Variants in NELL2 observed in about 807,000 individuals in gnomAD.
NELL2 encodes protein kinase C-binding protein NELL2.
In NELL2, 41 loss-of-function variants were observed where a neutral mutation model predicts 109.6. The ratio of observed to expected loss-of-function variants is 0.37; its 90% CI spans 0.29 to 0.49. The LOEUF (loss-of-function observed/expected upper bound fraction) is 0.49, where lower values mean the gene tolerates loss of function less well. NELL2 is among the 20% of genes least tolerant of loss of function. The pLI, the probability that NELL2 is intolerant of heterozygous loss-of-function variation, is 0.98. For missense variants in NELL2, 900 were observed against 1,008.3 expected (o/e 0.89, Z 1.45); for synonymous variants, 355 against 344.7 (o/e 1.03, Z -0.33).
intron 13 of NELL2, among the ~76,000 whole-genome samples, chr12:44,659,961 C>G (rs1406891296): frequency 6.6e-6 from 1 of 152,096 alleles, no homozygotes; most frequent in Non-Finnish European, 1.5e-5. Context: ...TTGAGGGGCC[C>G]TAAGAAATTT....
At chr12:44,672,998 T>C (rs554477202) in intron 12 of NELL2, among the ~76,000 whole-genome samples, 4 of 152,314 alleles carry the variant, frequency 2.6e-5, no homozygotes, top group African/African-American at 7.2e-5. Context: ...TTGGATCTCA[T>C]AGACATATAA....
At chr12:44,808,974 A>G (rs1282384797) in intron 3 of NELL2, among the ~76,000 whole-genome samples, 2 of 152,052 alleles carry the variant, frequency 1.3e-5, no homozygotes, top group African/African-American at 4.8e-5. Flanking sequence ...AATTATCTCC[A>G]TGTATGCTAT....
At chr12:44,613,075 G>A (rs1042055895) in intron 13 of NELL2, among the ~76,000 whole-genome samples, 2 of 151,948 alleles carry the variant, frequency 1.3e-5, no homozygotes, top group African/African-American at 4.8e-5. Flanking sequence ...CCCTGTGACT[G>A]AAGTGTCCTT....
chr12:44,825,008 C>T (rs1943664839), intron 2 of NELL2, among the ~76,000 whole-genome samples: 1 of 152,132 alleles, frequency 6.6e-6, no homozygotes. Flanking sequence ...CCGTGCCCGG[C>T]CTGTAGTGTA....
intron 3 of NELL2, among the ~76,000 whole-genome samples, chr12:44,795,380 A>G (rs1038190712): frequency 6.6e-6 from 1 of 152,126 alleles, no homozygotes; most frequent in African/African-American, 2.4e-5. Context: ...GCCTCTCACT[A>G]CTACCTGTGA....
chr12:44,682,031 C>A (rs1592324051), intron 12 of NELL2, among the ~76,000 whole-genome samples: 1 of 151,632 alleles, frequency 6.6e-6, no homozygotes, highest in Non-Finnish European at 1.5e-5. Context: ...TACAGTCCCA[C>A]CAACAGTGTA....
At chr12:44,824,098 T>C (rs1170825020) in intron 2 of NELL2, among the ~76,000 whole-genome samples, 2 of 152,214 alleles carry the variant, frequency 1.3e-5, no homozygotes, top group African/African-American at 4.8e-5. Flanking sequence ...TTTCTTGCTA[T>C]TGAGTTGCAC....
chr12:44,862,616 CA>C lies in NELL2; in HGVS notation c.184+12608del, dbSNP rs1333947829. On this transcript the variant is annotated intron_variant, in intron 2 of 19. Coordinates refer to ENST00000429094, the MANE Select transcript of NELL2 (RefSeq NM_001145108.2). ...TTCAGCCTCAAAAAGCATGTTTATG[CA>C]AAATTCAATGAGTGCTGACAGTGAG... 3.3e-5 allele frequency among the ~76,000 whole-genome samples: 5 copies of C among 152,184 alleles called. 1 individual carries two copies. Among genetic ancestry groups the C allele is most frequent in the African/African-American group, 1.2e-4 (5 of 41,510 alleles).
intron 9 of NELL2, among the ~76,000 whole-genome samples, chr12:44,737,889 CA>C (rs71093823): frequency 0.03 from 4,168 of 137,978 alleles, 173 homozygotes; most frequent in African/African-American, 0.1. Context: ...CGGTTGGCTG[CA>C]AAAAAAAAAA....
chr12:44,712,427 TG>T (rs1248580436), intron 10 of NELL2, among the ~76,000 whole-genome samples: 5 of 152,030 alleles, frequency 3.3e-5, no homozygotes, highest in African/African-American at 1.2e-4. Flanking sequence ...ATATCAGTTC[TG>T]GTAATCTGAT....
chr12:44,587,543 A>G (rs1454918590), intron 15 of NELL2, among the ~76,000 whole-genome samples: 1 of 152,020 alleles, frequency 6.6e-6, no homozygotes, highest in South Asian at 2.1e-4. Context: ...ATGTCTAATA[A>G]TGCTGGGTAG....
chr12:44,918,517 A>ATG (rs10589306), upstream of NELL2, among the ~76,000 whole-genome samples: 18,849 of 123,268 alleles, frequency 0.15, 1,215 homozygotes, highest in Middle Eastern at 0.17. Flanking sequence ...GCATGCATGT[A>ATG]TGTGTGTGTG....
chr12:44,519,900 A>G (rs1215268333), intron 19 of NELL2, 105 bp downstream of exon 19: 20 of 384,450 alleles, frequency 5.2e-5, no homozygotes, highest in Non-Finnish European at 7.3e-5. Flanking sequence ...AATAAACAGG[A>G]AAAAAAAAAA....
At chr12:44,731,974 C>A (rs1448720723) in intron 9 of NELL2, among the ~76,000 whole-genome samples, 1 of 151,810 alleles carries the variant, frequency 6.6e-6, no homozygotes, top group Non-Finnish European at 1.5e-5. Context: ...ATCTCATTTA[C>A]AATAGCATCA....
rs566217578 is a variant in NELL2 at position 44,848,863 on chromosome 12, G to A, written c.184+26362C>T. Among the ~76,000 whole-genome samples the A allele has an allele frequency of 2.2e-4, 33 of 152,240 alleles. No homozygotes were observed. The South Asian group carries it at 6.2e-3, about 29-fold the overall frequency. On this transcript the variant is annotated intron_variant, in intron 2 of 19. Transcript: ENST00000429094. ...AGCCAGTAACCCCCAAGTGGCCCACGCATCTACAGAAATGTAAATTTGAAT... is the reference window on the plus strand; with the variant it reads ...AGCCAGTAACCCCCAAGTGGCCCACACATCTACAGAAATGTAAATTTGAAT...
chr12:44,855,722 A>G lies in NELL2; in HGVS notation c.184+19503T>C, dbSNP rs73279176. On this transcript the variant is annotated intron_variant, in intron 2 of 19. Transcript: ENST00000429094. The stretch of plus-strand genomic sequence containing the variant: ...CTCTGCTAAATGTTGAATTCGCAAT[A>G]CTTCAAACTAAAAATTTAAACTCTC... Among the ~76,000 whole-genome samples the G allele has an allele frequency of 6.1e-3, 928 of 152,306 alleles. 7 individuals are homozygous for G. Among genetic ancestry groups the G allele is most frequent in the African/African-American group, 0.021 (867 of 41,550 alleles).
chr12:44,844,520 A>C (rs1944317314), intron 2 of NELL2, among the ~76,000 whole-genome samples: 1 of 152,184 alleles, frequency 6.6e-6, no homozygotes, highest in Admixed American at 6.5e-5. Flanking sequence ...CAGCCTCCTC[A>C]AAGGTGGGGG....
At chr12:44,663,875 A>C (rs1021277432) in intron 13 of NELL2, among the ~76,000 whole-genome samples, 2 of 152,146 alleles carry the variant, frequency 1.3e-5, no homozygotes, top group African/African-American at 4.8e-5. Flanking sequence ...AATTTCTAAC[A>C]CTACTTTAAG....
intron 1 of NELL2, among the ~76,000 whole-genome samples, chr12:44,884,518 G>A (rs781553789): frequency 1.8e-4 from 28 of 151,862 alleles, no homozygotes; most frequent in Non-Finnish European, 3.4e-4. Flanking sequence ...AGAAAATAAA[G>A]GAAAGGGAAA....
Sources: gnomAD v4.1 joint callset for allele counts (sites outside exome capture counted in the v4.1 genomes callset) on GRCh38, gnomAD v4.1.1 for gene constraint, MANE v1.5 for transcripts, NCBI Gene and HGNC (gene_info 2026-07-23, HGNC 2026-07-21) for gene names.